Variants in LRRFIP1 observed in about 807,000 individuals in gnomAD.
LRRFIP1 encodes the protein LRR binding FLII interacting protein 1, also known as leucine-rich repeat flightless-interacting protein 1.
Under a neutral mutation model 104.4 loss-of-function variants are expected in LRRFIP1, and 62 were observed. That is an observed-to-expected ratio of 0.59 (90% confidence interval 0.48 to 0.73). LRRFIP1 has a LOEUF of 0.73. Among genes scored for constraint, LRRFIP1 ranks in the 30% least tolerant of loss-of-function variants. The pLI is 0.00. For synonymous variants in LRRFIP1, 300 were observed against 299.0 expected (o/e 1.00, Z -0.03); for missense variants, 796 against 824.5 (o/e 0.97, Z 0.42).
At chr2:237,752,747 G>C (rs2058779343) in intron 14 of LRRFIP1, among the ~76,000 whole-genome samples, 1 of 152,192 alleles carries the variant, frequency 6.6e-6, no homozygotes, top group African/African-American at 2.4e-5. Flanking sequence ...GTCTTTCCAG[G>C]ACCTACCCAG....
At chr2:237,683,121 G>C (rs1378592500) in intron 1 of LRRFIP1, among the ~76,000 whole-genome samples, 2 of 152,216 alleles carry the variant, frequency 1.3e-5, no homozygotes, top group African/African-American at 4.8e-5. Context: ...CAAACGTCAG[G>C]GGACCCTGCT....
At position 237,717,819 on chromosome 2, in the gene LRRFIP1, G is replaced by GAA. The variant is rs1293220238; in HGVS notation, c.249+11_249+12dup. ...CATCGAGCAGTGGATGGTAGGCCTT[G>GAA]AATATAATTTTGTTTTTACTCTTCC... On this transcript the variant is annotated intron_variant, in intron 4 of 23. Coordinates refer to ENST00000308482, the MANE Select transcript of LRRFIP1 (RefSeq NM_001137550.2). The surrounding 1 kb of genome is among the most constrained non-coding windows in gnomAD (Gnocchi z 4.2). 6.2e-7 allele frequency: 1 copy of GAA among 1,608,500 alleles called. No homozygotes were observed. Among genetic ancestry groups the GAA allele is most frequent in the African/African-American group, 1.3e-5 (1 of 74,828 alleles).
chr2:237,737,296 C>T (rs1189897460), intron 10 of LRRFIP1, among the ~76,000 whole-genome samples: 3 of 152,172 alleles, frequency 2.0e-5, no homozygotes, highest in Non-Finnish European at 4.4e-5. Flanking sequence ...TCAGCTCCTC[C>T]ATTTGGCCCA....
At chr2:237,778,911 T>C (rs1228894686) in intron 23 of LRRFIP1, among the ~76,000 whole-genome samples, 1 of 138,812 alleles carries the variant, frequency 7.2e-6, no homozygotes, top group African/African-American at 2.6e-5. Flanking sequence ...AGCGAGACTT[T>C]GTCTCAAAAA....
chr2:237,723,266 T>C (rs2094598307), intron 6 of LRRFIP1, among the ~76,000 whole-genome samples: 1 of 152,216 alleles, frequency 6.6e-6, no homozygotes, highest in Admixed American at 6.5e-5. Context: ...TAAAATGGAT[T>C]ATGTAGAAGA....
chr2:237,772,240 T>G, intron 21 of LRRFIP1, 42 bp downstream of exon 21: 1 of 1,485,408 alleles, frequency 6.7e-7, no homozygotes, highest in South Asian at 1.1e-5. Flanking sequence ...CTTTCACATG[T>G]GCTGTTTTAG....
chr2:237,685,128 AC>A (rs976932648), intron 1 of LRRFIP1, among the ~76,000 whole-genome samples: 23 of 147,478 alleles, frequency 1.6e-4, no homozygotes, highest in South Asian at 8.6e-4. Context: ...ACACAAAAAA[AC>A]CCCAAAAATC....
chr2:237,728,833 C>T (rs775881380), intron 8 of LRRFIP1, among the ~76,000 whole-genome samples: 2 of 152,092 alleles, frequency 1.3e-5, no homozygotes, highest in African/African-American at 2.4e-5. Flanking sequence ...TCCCTCTCCC[C>T]GACCAAAGCC....
intron 21 of LRRFIP1, 83 bp downstream of exon 21, chr2:237,772,281 G>A (rs1559866243): frequency 3.0e-5 from 32 of 1,053,958 alleles, no homozygotes; most frequent in Middle Eastern, 2.2e-4. Context: ...AAACTGTCAC[G>A]GCAAAGAATG....
At position 237,735,392 on chromosome 2, in the gene LRRFIP1, C is replaced by G; in HGVS notation, c.555+59C>G. On this transcript the variant is annotated intron_variant, in intron 10 of 23. Coordinates refer to ENST00000308482, the MANE Select transcript of LRRFIP1 (RefSeq NM_001137550.2). The surrounding 1 kb of genome is among the most constrained non-coding windows in gnomAD (Gnocchi z 4.6). The stretch of plus-strand genomic sequence containing the variant: ...GTGCCTGCTGCATGGCCTGGGGATG[C>G]TCGCTGGGCAGGGTCCAGCCGTGGG... The G allele has an allele frequency of 6.5e-7, 1 of 1,528,612 alleles. No homozygotes were observed. The highest frequency in any genetic ancestry group is 8.9e-7 in the Non-Finnish European group (1 of 1,121,790). The allele number at this position is 1,528,612 out of a possible 1,614,324, so 94.7% of individuals were successfully genotyped here. A position where few individuals can be genotyped will look rare whatever the true frequency, so the allele number is the denominator to read the frequency against.
chr2:237,768,801 T>C (rs2060397446), intron 19 of LRRFIP1: 1 of 152,226 alleles, frequency 6.6e-6, no homozygotes, highest in Admixed American at 6.5e-5. Flanking sequence ...AAAATGAAGA[T>C]GCATTTTATA....
intron 1 of LRRFIP1, among the ~76,000 whole-genome samples, chr2:237,628,776 G>A (rs1021614436): frequency 3.9e-5 from 6 of 152,158 alleles, no homozygotes; most frequent in Admixed American, 1.3e-4. Context: ...ATATTCTGGG[G>A]GATCTACTCT....
intron 1 of LRRFIP1, among the ~76,000 whole-genome samples, chr2:237,668,595 T>C (rs769119302): frequency 6.6e-6 from 1 of 152,166 alleles, no homozygotes; most frequent in Non-Finnish European, 1.5e-5. Flanking sequence ...CTGAAGAGCG[T>C]TTCCCATCAT....
Position 237,772,069 on chromosome 2 carries a change from G to T in LRRFIP1, c.1510-12G>T. 1 of 1,562,338 alleles carries T rather than the reference G, an allele frequency of 6.4e-7. No homozygotes were observed. The highest frequency in any genetic ancestry group is 8.8e-7 in the Non-Finnish European group (1 of 1,138,028). ...AGAGAAATTAACAGATTTTACTGGC[G>T]GGTGTTTTCAGATTAAGAAACTCAA... On this transcript the variant is annotated splice_polypyrimidine_tract_variant and intron_variant, in intron 20 of 23. Coordinates refer to ENST00000308482, the MANE Select transcript of LRRFIP1 (RefSeq NM_001137550.2).
rs968215902 is a variant in LRRFIP1, at chr2:237,715,557, C to T, written c.201+1281C>T. ...ATGTGAATTTGTGTAGAATGTGAAG[C>T]TAGAAGGAGCCCCGGAAACCTGCAG... is the stretch of plus-strand genomic sequence containing the variant. On this transcript the variant is annotated intron_variant, in intron 3 of 23. Coordinates refer to ENST00000308482, the MANE Select transcript of LRRFIP1 (RefSeq NM_001137550.2). Among the ~76,000 whole-genome samples, 42 of 152,166 alleles carry T rather than the reference C, an allele frequency of 2.8e-4. 1 individual carries two copies. Among genetic ancestry groups the T allele is most frequent in the Non-Finnish European group, 2.1e-4 (14 of 68,028 alleles).
rs1170742860 is a variant in LRRFIP1, at chr2:237,655,102, C to CTT, written c.96+27387_96+27388dup. 1.2e-3 allele frequency among the ~76,000 whole-genome samples: 69 copies of CTT among 58,272 alleles called. 6 individuals are homozygous for CTT. The highest frequency in any genetic ancestry group is 1.8e-3 in the African/African-American group (23 of 12,778). 38.2% of individuals were successfully genotyped at this position (58,272 alleles called of 152,430 possible). A position where few individuals can be genotyped will look rare whatever the true frequency, so the allele number is the denominator to read the frequency against. On this transcript the variant is annotated intron_variant, in intron 1 of 23. Coordinates refer to ENST00000308482, the MANE Select transcript of LRRFIP1 (RefSeq NM_001137550.2). ...AGACGAATACCACGTGATCTCACTT[C>CTT]TTTTTTTTTTTTTTTTTTTTTTTTT...
At chr2:237,663,879 C>T (rs558389630) in intron 1 of LRRFIP1, among the ~76,000 whole-genome samples, 8 of 152,108 alleles carry the variant, frequency 5.3e-5, no homozygotes, top group Non-Finnish European at 1.2e-4. Flanking sequence ...AGAGGGGAGC[C>T]GTCAGCGGTC....
At chr2:237,752,355 G>T (rs901178806) in intron 14 of LRRFIP1, among the ~76,000 whole-genome samples, 2 of 152,232 alleles carry the variant, frequency 1.3e-5, no homozygotes, top group Non-Finnish European at 2.9e-5. Flanking sequence ...GCAGTGAGCC[G>T]AGATCGTGCC....
intron 1 of LRRFIP1, among the ~76,000 whole-genome samples, chr2:237,663,875 G>A (rs1168475788): frequency 6.6e-6 from 1 of 152,206 alleles, no homozygotes; most frequent in Non-Finnish European, 1.5e-5. Context: ...GGGGAGAGGG[G>A]AGCCGTCAGC....
Sources: allele counts gnomAD v4.1 joint callset (sites outside exome capture counted in the v4.1 genomes callset), GRCh38; gene constraint gnomAD v4.1.1; non-coding constraint Gnocchi (gnomAD v3.1); transcripts MANE v1.5; gene names NCBI Gene and HGNC (gene_info 2026-07-23, HGNC 2026-07-21).